Variants in GRAMD1A observed in about 807,000 individuals in gnomAD.
GRAMD1A encodes the protein protein Aster-A.
Under a neutral mutation model 92.0 loss-of-function variants are expected in GRAMD1A, and 50 were observed. The observed-to-expected ratio is 0.54, with a 90% CI of 0.43 to 0.69. The LOEUF is 0.69. Among genes scored for constraint, GRAMD1A ranks in the 30% least tolerant of loss-of-function variants. GRAMD1A has a pLI of 0.00. For missense variants in GRAMD1A, 819 were observed against 978.9 expected, an observed-to-expected ratio of 0.84 and a Z score of 2.18; for synonymous variants, 405 against 403.6, an observed-to-expected ratio of 1.00 and a Z score of -0.04.
Position 35,009,991 on chromosome 19 carries a change from G to C in GRAMD1A, c.325+19G>C. The C allele has an allele frequency of 6.3e-7, 1 of 1,588,178 alleles. No homozygotes were observed. The highest frequency in any genetic ancestry group is 8.6e-7 in the Non-Finnish European group (1 of 1,156,332). ...ATTGTGGGTGAGTCCCGGACCCCCAGTCCCAGCTCCTAGCCCAGCCCTGTG... is the reference window on the plus strand; with the variant it reads ...ATTGTGGGTGAGTCCCGGACCCCCACTCCCAGCTCCTAGCCCAGCCCTGTG... On this transcript the variant is annotated intron_variant, in intron 4 of 19. Transcript: ENST00000317991.
chr19:35,000,140 T>C, upstream of GRAMD1A: 2 of 1,000,854 alleles, frequency 2.0e-6, no homozygotes, highest in Non-Finnish European at 2.4e-6. This position sits in a 1 kb window ranked among gnomAD's most constrained non-coding sequence, Gnocchi z 4.9. Flanking sequence ...TCCTTCTCTG[T>C]CTCTCTGCCC....
chr19:35,023,615 G>A (rs531367177), intron 19 of GRAMD1A, 68 bp downstream of exon 19: 14 of 1,433,436 alleles, frequency 9.8e-6, no homozygotes, highest in African/African-American at 2.9e-5. Flanking sequence ...AAACCCCACC[G>A]TGCGGCAGGC....
rs73929258 is a variant in GRAMD1A, at chr19:35,022,879, C to A, written c.1842-21C>A. The A allele has an allele frequency of 3.3e-4, 536 of 1,603,774 alleles. 4 individuals are homozygous for A. The African/African-American group carries it at 6.4e-3, about 19-fold the overall frequency. On this transcript the variant is annotated intron_variant, in intron 16 of 19. Transcript: ENST00000317991. ...CAGGCGGCGCTCATCTCTCTGTCTC[C>A]CCTCACTGCTGCTGCTGCAGGATCT...
intron 19 of GRAMD1A, 69 bp from the exon 20 acceptor site, chr19:35,025,980 T>TG: frequency 1.2e-6 from 1 of 817,144 alleles, no homozygotes. Context: ...AATGGCAAGG[T>TG]GGGGGTGGGC....
intron 6 of GRAMD1A, among the ~76,000 whole-genome samples, chr19:35,011,019 T>G (rs2015192364): frequency 6.7e-6 from 1 of 150,266 alleles, no homozygotes; most frequent in South Asian, 2.1e-4. Flanking sequence ...GGAGGATGGC[T>G]TGAGCCCAGG....
chr19:35,013,726 A>G lies in GRAMD1A; in HGVS notation c.870+35A>G, dbSNP rs756156610. On this transcript the variant is annotated intron_variant, in intron 9 of 19. Coordinates refer to ENST00000317991, the MANE Select transcript of GRAMD1A (RefSeq NM_020895.5). This position sits in a 1 kb window ranked among gnomAD's most constrained non-coding sequence, Gnocchi z 4.9. ...GGGTTGGAAGAGGGGTGGGATACTG[A>G]TAGGAAGAGAGAGGAGGGCTGGGGG... 1.7e-5 allele frequency: 27 copies of G among 1,571,906 alleles called. No homozygotes were observed. In the East Asian group the frequency reaches 6.1e-4, roughly 35 times the overall value.
At position 35,019,646 on chromosome 19, in the gene GRAMD1A, C is replaced by T. The variant is rs1426864770; in HGVS notation, c.1475+113C>T. 19 of 1,055,850 alleles carry T rather than the reference C, an allele frequency of 1.8e-5. No individual in the cohort carries two copies. In the Admixed American group the frequency reaches 2.3e-4, roughly 13 times the overall value. The allele number at this position is 1,055,850 out of a possible 1,614,324, so 65.4% of individuals were successfully genotyped here. On this transcript the variant is annotated intron_variant, in intron 13 of 19. Coordinates refer to ENST00000317991, the MANE Select transcript of GRAMD1A (RefSeq NM_020895.5). The stretch of plus-strand genomic sequence containing the variant: ...TCCCACCCTGGTGGAGGAACAGAAG[C>T]GTGGGGTTCCTGAGGCCCTTGTCCT...
chr19:35,000,306 CCTCCGGCGG>C (rs2014245051), upstream of GRAMD1A: 47 of 1,044,002 alleles, frequency 4.5e-5, no homozygotes, highest in Non-Finnish European at 5.4e-5. The surrounding 1 kb of genome is among the most constrained non-coding windows in gnomAD (Gnocchi z 4.9). Flanking sequence ...GCCGCGGCGG[CCTCCGGCGG>C]CTCCGGCCTT....
At chr19:35,016,109 C>T (rs1217424713) in intron 11 of GRAMD1A, 142 bp downstream of exon 11, 9 of 851,948 alleles carry the variant, frequency 1.1e-5, no homozygotes, top group Non-Finnish European at 1.6e-5. Flanking sequence ...AGACCAGAAG[C>T]AGCTCTGCCA....
intron 19 of GRAMD1A, among the ~76,000 whole-genome samples, chr19:35,025,540 G>A (rs934426420): frequency 3.9e-5 from 6 of 152,186 alleles, no homozygotes; most frequent in South Asian, 2.1e-4. Context: ...CACTGTGCCC[G>A]GCCGTTATCC....
At position 35,009,980 on chromosome 19, in the gene GRAMD1A, C is replaced by T; in HGVS notation, c.325+8C>T. On this transcript the variant is annotated splice_region_variant and intron_variant, in intron 4 of 19. Coordinates refer to ENST00000317991, the MANE Select transcript of GRAMD1A (RefSeq NM_020895.5). ...CAGAACGCCTCATTGTGGGTGAGTC[C>T]CGGACCCCCAGTCCCAGCTCCTAGC... 2 of 1,599,886 alleles carry T rather than the reference C, an allele frequency of 1.3e-6. No homozygotes were observed. The highest frequency in any genetic ancestry group is 1.7e-6 in the Non-Finnish European group (2 of 1,166,944).
Position 35,013,195 on chromosome 19 carries a change from C to T in GRAMD1A, c.607-61C>T, listed in dbSNP as rs1568327355. On this transcript the variant is annotated intron_variant, in intron 7 of 19. Coordinates refer to ENST00000317991, the MANE Select transcript of GRAMD1A (RefSeq NM_020895.5). The surrounding 1 kb of genome is among the most constrained non-coding windows in gnomAD (Gnocchi z 4.9). ...CGGAGGCCGAGGGCTGGTGGGGAAT[C>T]TGGCGGGCCGGGCTCTGGCTGGGGT... The T allele has an allele frequency of 1.5e-5, 13 of 882,028 alleles. No individual in the cohort carries two copies. In the South Asian group the frequency reaches 1.9e-4, roughly 13 times the overall value. 54.6% of individuals were successfully genotyped at this position (882,028 alleles called of 1,614,324 possible). A position where few individuals can be genotyped will look rare whatever the true frequency, so the allele number is the denominator to read the frequency against.
intron 1 of GRAMD1A, among the ~76,000 whole-genome samples, chr19:35,001,685 G>T (rs914557326): frequency 4.6e-5 from 7 of 151,882 alleles, no homozygotes; most frequent in Non-Finnish European, 8.8e-5. Context: ...TCGGCCCACT[G>T]CAACCTCCTC....
intron 1 of GRAMD1A, among the ~76,000 whole-genome samples, chr19:35,003,064 G>GTGTA (rs1472386825): frequency 7.0e-6 from 1 of 143,324 alleles, no homozygotes; most frequent in African/African-American, 2.6e-5. Flanking sequence ...TGCTGCAGGT[G>GTGTA]TGTGTGTGTG....
In GRAMD1A at chr19:35,026,125, A is replaced by G. The variant is rs1252800164; in HGVS notation, c.2159A>G (p.Asp720Gly). The change falls in exon 20 of 20, where the codon GAT becomes GGT. Residue 720 changes from aspartate to glycine, a missense_variant. Coordinates refer to ENST00000317991, the MANE Select transcript of GRAMD1A (RefSeq NM_020895.5). ...DPPFDTQPRP[D>G]DSFS ...CCCTTTGACACCCAGCCCCGGCCCG[A>G]TGACAGCTTTTCCTGAGGACCCCGG... The G allele has an allele frequency of 3.8e-6, 6 of 1,577,108 alleles. No homozygotes were observed. Among genetic ancestry groups the G allele is most frequent in the Non-Finnish European group, 4.4e-6 (5 of 1,146,486 alleles).
chr19:35,024,354 A>G (rs1409388018), intron 19 of GRAMD1A, among the ~76,000 whole-genome samples: 2 of 152,176 alleles, frequency 1.3e-5, no homozygotes, highest in African/African-American at 4.8e-5. Flanking sequence ...ATGCCCAATA[A>G]ATGTGATGTC....
intron 1 of GRAMD1A, among the ~76,000 whole-genome samples, chr19:35,007,914 A>G (rs2014942692): frequency 6.6e-6 from 1 of 152,112 alleles, no homozygotes; most frequent in South Asian, 2.1e-4. Flanking sequence ...AGATTTTGAA[A>G]TGAGAGATGA....
chr19:35,018,456 CT>C (rs2015800335), intron 11 of GRAMD1A, among the ~76,000 whole-genome samples: 1 of 152,174 alleles, frequency 6.6e-6, no homozygotes, highest in Admixed American at 6.5e-5. Context: ...ATCCAAACAC[CT>C]CTCACCAGGC....
At chr19:34,995,355 C>G (rs2013983348), upstream of GRAMD1A, among the ~76,000 whole-genome samples, 1 of 152,186 alleles carries the variant, frequency 6.6e-6, no homozygotes, top group African/African-American at 2.4e-5. Flanking sequence ...AACCTCAGTT[C>G]CAGCTACAGG....
Sources: allele counts gnomAD v4.1 joint callset (sites outside exome capture counted in the v4.1 genomes callset), GRCh38; gene constraint gnomAD v4.1.1; non-coding constraint Gnocchi (gnomAD v3.1); transcripts MANE v1.5; gene names NCBI Gene and HGNC (gene_info 2026-07-23, HGNC 2026-07-21).